MACROD2: variants seen among roughly 807,000 people sequenced by gnomAD.
The protein encoded by MACROD2 is mono-ADP ribosylhydrolase 2, also known as ADP-ribose glycohydrolase MACROD2.
Under a neutral mutation model 70.4 loss-of-function variants are expected in MACROD2, and 36 were observed. The ratio of observed to expected loss-of-function variants is 0.51; its 90% CI spans 0.39 to 0.68. The LOEUF (loss-of-function observed/expected upper bound fraction) is 0.68. MACROD2 is among the 30% of genes least tolerant of loss of function. The probability of loss-of-function intolerance (pLI) is 0.00; values close to 1 mark genes in which losing one functional copy is unlikely to be tolerated. For missense variants in MACROD2, 496 were observed against 538.4 expected (o/e 0.92, Z 0.78); for synonymous variants, 172 against 178.8 (o/e 0.96, Z 0.30).
chr20:15,069,073 G>T (rs922460291), intron 5 of MACROD2, among the ~76,000 whole-genome samples: 8 of 152,132 alleles, frequency 5.3e-5, no homozygotes, highest in Non-Finnish European at 1.0e-4. Context: ...ACAAGGTAGT[G>T]CTAGTACCTT....
At chr20:14,069,571 G>A (rs1185912942) in intron 2 of MACROD2, among the ~76,000 whole-genome samples, 1 of 149,988 alleles carries the variant, frequency 6.7e-6, no homozygotes, top group Non-Finnish European at 1.5e-5. Context: ...TTACTGAAAT[G>A]GCATTAAAAA....
At chr20:15,743,939 T>A (rs935243837) in intron 8 of MACROD2, among the ~76,000 whole-genome samples, 8 of 152,158 alleles carry the variant, frequency 5.3e-5, no homozygotes, top group South Asian at 2.1e-4. Context: ...GGAATGCCTG[T>A]GTAACTACCC....
At chr20:14,595,906 A>G (rs1438462270) in intron 4 of MACROD2, among the ~76,000 whole-genome samples, 2 of 152,148 alleles carry the variant, frequency 1.3e-5, no homozygotes, top group Non-Finnish European at 2.9e-5. Flanking sequence ...TCACAGTTAA[A>G]TGGTCCCAAT....
intron 3 of MACROD2, among the ~76,000 whole-genome samples, chr20:14,446,961 A>G (rs1402413773): frequency 6.6e-6 from 1 of 152,160 alleles, no homozygotes; most frequent in Non-Finnish European, 1.5e-5. Context: ...CCACCAAAAT[A>G]CAATATATAT....
intron 5 of MACROD2, chr20:14,888,081 G>A (rs1164294329): frequency 6.6e-6 from 1 of 152,084 alleles, no homozygotes; most frequent in African/African-American, 2.4e-5. Context: ...ATTAGTTAGT[G>A]GGTGGTCTCA....
At chr20:13,998,982 G>T (rs1485311819) in intron 1 of MACROD2, among the ~76,000 whole-genome samples, 2 of 151,096 alleles carry the variant, frequency 1.3e-5, no homozygotes, top group African/African-American at 4.9e-5. Flanking sequence ...AATTCACAGA[G>T]AAAATAAATG....
At chr20:15,875,282 A>G (rs1276104785) in intron 9 of MACROD2, among the ~76,000 whole-genome samples, 2 of 152,180 alleles carry the variant, frequency 1.3e-5, no homozygotes, top group Non-Finnish European at 2.9e-5. Context: ...AAGAAACACA[A>G]GAGAAACTTC....
chr20:15,413,934 C>A (rs2046112646), intron 6 of MACROD2, among the ~76,000 whole-genome samples: 1 of 152,136 alleles, frequency 6.6e-6, no homozygotes, highest in Non-Finnish European at 1.5e-5. Flanking sequence ...GTAGCATGCC[C>A]ATGCTATTAT....
chr20:14,245,846 T>C (rs2081964731), intron 3 of MACROD2, among the ~76,000 whole-genome samples: 1 of 152,156 alleles, frequency 6.6e-6, no homozygotes, highest in South Asian at 2.1e-4. Context: ...ATTCCTCTCA[T>C]TCCTTCCAAG....
At chr20:14,085,459 A>G (rs533262082) in intron 2 of MACROD2, among the ~76,000 whole-genome samples, 162 bp from the exon 3 acceptor site, 47 of 152,298 alleles carry the variant, frequency 3.1e-4, no homozygotes, top group Middle Eastern at 6.8e-3. Flanking sequence ...ATTACAAAAT[A>G]GAGAATAAAC....
chr20:14,091,439 T>C (rs538783732), intron 3 of MACROD2, among the ~76,000 whole-genome samples: 3 of 152,150 alleles, frequency 2.0e-5, no homozygotes, highest in Non-Finnish European at 4.4e-5. Flanking sequence ...CTGTAATAAA[T>C]AATAATGTAT....
intron 8 of MACROD2, among the ~76,000 whole-genome samples, chr20:15,670,035 A>C: frequency 6.6e-6 from 1 of 152,168 alleles, no homozygotes; most frequent in Non-Finnish European, 1.5e-5. Flanking sequence ...CAACTTACCT[A>C]TGGTCACCCT....
In MACROD2 at chr20:15,861,523, A is replaced by G. The variant is rs567344492; in HGVS notation, c.646-1222A>G. 6.9e-5 allele frequency among the ~76,000 whole-genome samples: 10 copies of G among 145,090 alleles called. No individual in the cohort carries two copies. The South Asian group carries it at 8.4e-4, about 12-fold the overall frequency. ...CCATTTCCCGTTTCCCTTATAATCC[A>G]TCCTTTGAAGGCAGTTATAAGGGCT... On this transcript the variant is annotated intron_variant, in intron 8 of 17. Transcript: ENST00000684519.
chr20:15,874,513 T>G (rs987508664), intron 9 of MACROD2, among the ~76,000 whole-genome samples: 2 of 152,154 alleles, frequency 1.3e-5, no homozygotes, highest in East Asian at 3.9e-4. Flanking sequence ...ATGGTTGAAC[T>G]AATTTACACT....
intron 5 of MACROD2, among the ~76,000 whole-genome samples, chr20:15,087,011 AT>A (rs2075753832): frequency 6.6e-6 from 1 of 152,048 alleles, no homozygotes; most frequent in Admixed American, 6.6e-5. Flanking sequence ...CTTCCAAAAC[AT>A]TTTTACTCTT....
intron 10 of MACROD2, among the ~76,000 whole-genome samples, chr20:15,914,895 A>G (rs2065289971): frequency 6.6e-6 from 1 of 151,832 alleles, no homozygotes; most frequent in Non-Finnish European, 1.5e-5. Flanking sequence ...GGAATGGGTC[A>G]CAGAGCTCAG....
At position 15,216,304 on chromosome 20, in the gene MACROD2, T is replaced by C. The variant is rs191836971; in HGVS notation, c.419-13636T>C. 1.8e-3 allele frequency among the ~76,000 whole-genome samples: 281 copies of C among 152,166 alleles called. 1 individual carries two copies. The highest frequency in any genetic ancestry group is 3.0e-3 in the Non-Finnish European group (201 of 68,002). On this transcript the variant is annotated intron_variant, in intron 5 of 17. Coordinates refer to ENST00000684519, the MANE Select transcript of MACROD2 (RefSeq NM_001351661.2). Reference sequence around the variant, plus strand: ...CATGCCTGTATCAAAATATTTTATGTACCCCAGAAATATATACACCTACTA... The same window carrying C: ...CATGCCTGTATCAAAATATTTTATGCACCCCAGAAATATATACACCTACTA...
intron 5 of MACROD2, among the ~76,000 whole-genome samples, chr20:14,839,410 C>T (rs2073064118): frequency 6.6e-6 from 1 of 152,128 alleles, no homozygotes; most frequent in African/African-American, 2.4e-5. Flanking sequence ...ATTACATTGC[C>T]TTTGGAATAC....
intron 4 of MACROD2, among the ~76,000 whole-genome samples, chr20:14,544,598 C>T (rs933810249): frequency 6.6e-6 from 1 of 152,020 alleles, no homozygotes; most frequent in Non-Finnish European, 1.5e-5. Flanking sequence ...TGATGATTTC[C>T]ATTTGAGTTG....
Sources: allele counts gnomAD v4.1 joint callset (sites outside exome capture counted in the v4.1 genomes callset), GRCh38; gene constraint gnomAD v4.1.1; transcripts MANE v1.5; gene names NCBI Gene and HGNC (gene_info 2026-07-23, HGNC 2026-07-21).